Variants in VIPR1 observed in about 807,000 individuals in gnomAD.
VIPR1 encodes the protein vasoactive intestinal peptide receptor 1, also known as vasoactive intestinal polypeptide receptor 1.
A neutral mutation model predicts 58.8 loss-of-function variants in VIPR1; 59 were observed. The observed-to-expected ratio is 1.00, with a 90% CI of 0.81 to 1.25. VIPR1 has a LOEUF of 1.25. Among genes scored for constraint, VIPR1 ranks in the 50% most tolerant of loss-of-function variants. VIPR1 has a pLI of 0.00. For synonymous variants in VIPR1, 251 were observed against 242.1 expected (o/e 1.04, Z -0.34); for missense variants, 626 against 602.7 (o/e 1.04, Z -0.40).
At chr3:42,513,727 C>T in intron 1 of VIPR1, 22 bp from the exon 2 acceptor site, 1 of 1,550,298 alleles carries the variant, frequency 6.5e-7, no homozygotes, top group Non-Finnish European at 8.7e-7. Context: ...GGCTGATGGG[C>T]CCTCCCTGTC....
chr3:42,532,276 T>C lies in VIPR1; in HGVS notation c.953T>C (p.Ile318Thr), dbSNP rs577178707. Residue 318 changes from isoleucine to threonine, a missense_variant, in exon 10 of 13, where the codon ATC (isoleucine) becomes ACC (threonine). Physicochemically the swap from Ile to Thr is moderately conservative, Grantham distance 89 (BLOSUM62 -1). Transcript: ENST00000325123. ...ATCCTGTTTATTTGCATCATCCGAA[T>C]CCTGCTTCAGAAACTGCGGCCCCCA... Reference protein sequence around the residue: ...NFILFICIIRILLQKLRPPDI... With the variant: ...NFILFICIIRTLLQKLRPPDI... The C allele has an allele frequency of 1.2e-5, 20 of 1,614,092 alleles. No individual in the cohort carries two copies. The East Asian group carries it at 4.0e-4, about 32-fold the overall frequency.
At chr3:42,511,699 G>T (rs1178397535) in intron 1 of VIPR1, 1 of 152,286 alleles carries the variant, frequency 6.6e-6, no homozygotes. Context: ...GGTGGGAGAT[G>T]GGGTTGGGAT....
rs181255051 is a variant in VIPR1, at chr3:42,534,528, T to C, written c.1011-447T>C. ...CAGGAGAGGAGGAACCAGAATCTCT[T>C]GTTGCCTAAGAGATTTTCTACTGCT... On this transcript the variant is annotated intron_variant, in intron 10 of 12. Coordinates refer to ENST00000325123, the MANE Select transcript of VIPR1 (RefSeq NM_004624.4). The C allele has an allele frequency of 1.6e-3, 250 of 155,740 alleles. 4 individuals are homozygous for C. Among genetic ancestry groups the C allele is most frequent in the Admixed American group, 0.011 (171 of 15,832 alleles). The allele number at this position is 155,740 out of a possible 1,614,324, so 9.6% of individuals were successfully genotyped here. A position where few individuals can be genotyped will look rare whatever the true frequency, so the allele number is the denominator to read the frequency against.
intron 3 of VIPR1, among the ~76,000 whole-genome samples, chr3:42,520,925 T>C (rs1487822416): frequency 6.6e-6 from 1 of 152,106 alleles, no homozygotes; most frequent in Non-Finnish European, 1.5e-5. Context: ...AGTGCCCACC[T>C]AGCCTGGTCA....
At chr3:42,526,687 C>T (rs1209073680) in intron 4 of VIPR1, among the ~76,000 whole-genome samples, 5 of 152,158 alleles carry the variant, frequency 3.3e-5, no homozygotes, top group Admixed American at 1.3e-4. Flanking sequence ...AGCTATAGGC[C>T]CTCATTCCCC....
upstream of VIPR1, among the ~76,000 whole-genome samples, chr3:42,499,284 A>G (rs1699822756): frequency 6.6e-6 from 1 of 152,100 alleles, no homozygotes; most frequent in South Asian, 2.1e-4. Context: ...GGAGCCCCTG[A>G]GCTGGAAGCC....
intron 10 of VIPR1, 116 bp from the exon 11 acceptor site, chr3:42,534,859 A>G (rs1577261519): frequency 2.9e-6 from 4 of 1,370,940 alleles, no homozygotes; most frequent in South Asian, 1.4e-5. Context: ...GTCCATCCTC[A>G]TACTTCCTGG....
upstream of VIPR1, chr3:42,501,964 A>C (rs368047919): frequency 1.3e-5 from 2 of 152,324 alleles, no homozygotes; most frequent in African/African-American, 2.4e-5. This position sits in a 1 kb window ranked among gnomAD's most constrained non-coding sequence, Gnocchi z 4.8. Flanking sequence ...CAGGGCACCC[A>C]ACAGGTGCTG....
intron 10 of VIPR1, chr3:42,532,997 C>T (rs1264708266): frequency 6.6e-6 from 1 of 152,536 alleles, no homozygotes; most frequent in East Asian, 1.9e-4. Flanking sequence ...CAGGACTGTT[C>T]CCCCTGCTTG....
At position 42,519,423 on chromosome 3, in the gene VIPR1, C is replaced by A; in HGVS notation, c.292+93C>A. 4.2e-6 allele frequency: 5 copies of A among 1,189,336 alleles called. No homozygotes were observed. The South Asian group carries it at 5.0e-5, about 12-fold the overall frequency. 73.7% of individuals were successfully genotyped at this position (1,189,336 alleles called of 1,614,324 possible). A position where few individuals can be genotyped will look rare whatever the true frequency, so the allele number is the denominator to read the frequency against. On this transcript the variant is annotated intron_variant, in intron 3 of 12. Coordinates refer to ENST00000325123, the MANE Select transcript of VIPR1 (RefSeq NM_004624.4). ...AAGTGGAAAGGCAAAGGAAAGTGGT[C>A]AAAGAGGCTGGAGCAATCCGAGGGA...
At chr3:42,503,049 A>C (rs1318674336) in intron 1 of VIPR1, among the ~76,000 whole-genome samples, 1 of 152,184 alleles carries the variant, frequency 6.6e-6, no homozygotes. Flanking sequence ...GCACAGCATC[A>C]GTGGAGGGGC....
chr3:42,496,227 C>T (rs950242843), intron 1 of VIPR1, among the ~76,000 whole-genome samples: 2 of 152,006 alleles, frequency 1.3e-5, no homozygotes, highest in Non-Finnish European at 2.9e-5. Context: ...AAGACTCCGT[C>T]TCAAAAAAAA....
At chr3:42,527,530 A>G (rs1404268997) in intron 5 of VIPR1, 34 bp downstream of exon 5, 7 of 1,603,524 alleles carry the variant, frequency 4.4e-6, no homozygotes, top group Non-Finnish European at 6.0e-6. Flanking sequence ...GCCTCAAAGC[A>G]AACCTGGCAA....
chr3:42,520,631 G>A (rs1037967994), intron 3 of VIPR1, among the ~76,000 whole-genome samples: 4 of 152,030 alleles, frequency 2.6e-5, no homozygotes, highest in African/African-American at 9.7e-5. Context: ...GAGCATGGAG[G>A]GAGGGGCAGG....
At chr3:42,525,095 T>C (rs1471398960) in intron 3 of VIPR1, among the ~76,000 whole-genome samples, 1 of 152,024 alleles carries the variant, frequency 6.6e-6, no homozygotes, top group Non-Finnish European at 1.5e-5. Context: ...GTGATTCTTC[T>C]CTGGCTCATC....
chr3:42,533,155 C>T (rs1055323281), intron 10 of VIPR1: 1 of 152,258 alleles, frequency 6.6e-6, no homozygotes, highest in Non-Finnish European at 1.5e-5. Context: ...GATTGAGTAT[C>T]AGTGCTATTG....
intron 5 of VIPR1, chr3:42,527,737 T>A (rs762128375): frequency 4.4e-5 from 28 of 634,676 alleles, no homozygotes; most frequent in South Asian, 2.0e-5. Flanking sequence ...CACCAGAGAG[T>A]GGGGCCTGCA....
chr3:42,492,292 C>G (rs1180492776), intron 1 of VIPR1: 2 of 152,398 alleles, frequency 1.3e-5, no homozygotes, highest in African/African-American at 4.8e-5. Context: ...CCCAGCCCTG[C>G]GCAGGTGGTC....
chr3:42,493,229 A>T (rs1254322187), intron 1 of VIPR1, among the ~76,000 whole-genome samples: 1 of 152,116 alleles, frequency 6.6e-6, no homozygotes, highest in Non-Finnish European at 1.5e-5. Flanking sequence ...CAGACCCCAG[A>T]TTGCAGGCCA....
Sources: allele counts gnomAD v4.1 joint callset (sites outside exome capture counted in the v4.1 genomes callset), GRCh38; gene constraint gnomAD v4.1.1; non-coding constraint Gnocchi (gnomAD v3.1); transcripts MANE v1.5; gene names NCBI Gene and HGNC (gene_info 2026-07-23, HGNC 2026-07-21).